Variants in NPHP1 observed in about 807,000 individuals in gnomAD.
NPHP1 encodes nephrocystin-1.
Under a neutral mutation model 90.4 loss-of-function variants are expected in NPHP1, and 70 were observed. The ratio of observed to expected loss-of-function variants is 0.77; its 90% CI spans 0.64 to 0.95. NPHP1 has a LOEUF of 0.95. NPHP1 is among the 40% of genes least tolerant of loss of function. The pLI is 0.00. For missense variants in NPHP1, 764 were observed against 795.9 expected (o/e 0.96, Z 0.48); for synonymous variants, 256 against 271.7 (o/e 0.94, Z 0.57).
At chr2:110,189,652 G>A (rs1001250104) in intron 2 of NPHP1, among the ~76,000 whole-genome samples, 6 of 152,026 alleles carry the variant, frequency 3.9e-5, no homozygotes, top group Admixed American at 3.9e-4. Flanking sequence ...CTTTTATCTG[G>A]CCCCACCTAC....
intron 4 of NPHP1, among the ~76,000 whole-genome samples, chr2:110,172,973 T>G (rs1192769426): frequency 6.6e-6 from 1 of 150,706 alleles, no homozygotes; most frequent in Non-Finnish European, 1.5e-5. Context: ...TTTTTTTTTT[T>G]TTTTGAGACG....
At chr2:110,195,508 T>C (rs1685101065) in intron 2 of NPHP1, among the ~76,000 whole-genome samples, 1 of 152,042 alleles carries the variant, frequency 6.6e-6, no homozygotes, top group African/African-American at 2.4e-5. Flanking sequence ...TAAAAGAGGA[T>C]ACAAACAAAT....
intron 2 of NPHP1, among the ~76,000 whole-genome samples, chr2:110,196,264 G>A (rs973528977): frequency 7.2e-5 from 11 of 151,986 alleles, no homozygotes; most frequent in Admixed American, 4.6e-4. Context: ...ATCTGACAAA[G>A]GGCTAATATA....
chr2:110,173,083 C>A (rs535022470), intron 4 of NPHP1, among the ~76,000 whole-genome samples: 2 of 151,518 alleles, frequency 1.3e-5, no homozygotes, highest in Non-Finnish European at 2.9e-5. Flanking sequence ...CTCCGACTCC[C>A]GAGTAGCTGG....
chr2:110,138,455 G>A (rs1680376023), intron 16 of NPHP1, among the ~76,000 whole-genome samples: 1 of 152,138 alleles, frequency 6.6e-6, no homozygotes, highest in Admixed American at 6.5e-5. Flanking sequence ...CATAAGGTCA[G>A]AAACTGTCTT....
intron 17 of NPHP1, among the ~76,000 whole-genome samples, chr2:110,129,960 TC>T (rs1398539956): frequency 6.6e-6 from 1 of 152,130 alleles, no homozygotes; most frequent in Non-Finnish European, 1.5e-5. Context: ...TTCTCCAAGT[TC>T]TGGAGGCTGG....
intron 11 of NPHP1, among the ~76,000 whole-genome samples, chr2:110,155,702 T>C (rs111744988): frequency 6.6e-6 from 1 of 152,192 alleles, no homozygotes; most frequent in African/African-American, 2.4e-5. Context: ...CTCTTTGTTT[T>C]GGCCAGTTTA....
chr2:110,189,125 G>T (rs1684499458), intron 2 of NPHP1, among the ~76,000 whole-genome samples: 1 of 152,092 alleles, frequency 6.6e-6, no homozygotes, highest in Non-Finnish European at 1.5e-5. Context: ...AAAAGCAATT[G>T]CAACAAAAGC....
chr2:110,147,626 C>A (rs1681157754), intron 13 of NPHP1, among the ~76,000 whole-genome samples: 1 of 152,128 alleles, frequency 6.6e-6, no homozygotes, highest in Non-Finnish European at 1.5e-5. Context: ...CGCTGGGATG[C>A]CAGTGAGCAT....
At chr2:110,169,627 C>G (rs1410605503) in intron 5 of NPHP1, among the ~76,000 whole-genome samples, 179 bp downstream of exon 5, 2 of 152,078 alleles carry the variant, frequency 1.3e-5, no homozygotes, top group Non-Finnish European at 2.9e-5. Context: ...GAAGAGGTAA[C>G]TTTAGTAACA....
At chr2:110,175,010 T>C (rs1683411009) in intron 4 of NPHP1, among the ~76,000 whole-genome samples, 1 of 152,070 alleles carries the variant, frequency 6.6e-6, no homozygotes, top group African/African-American at 2.4e-5. Context: ...CAATAAAATA[T>C]ATGAAATAAA....
At chr2:110,180,187 C>A (rs1244176208) in intron 2 of NPHP1, among the ~76,000 whole-genome samples, 1 of 152,066 alleles carries the variant, frequency 6.6e-6, no homozygotes, top group Non-Finnish European at 1.5e-5. Context: ...AATGGTACAG[C>A]AACAATATGA....
intron 4 of NPHP1, among the ~76,000 whole-genome samples, chr2:110,173,657 A>G (rs936445145): frequency 3.3e-5 from 5 of 152,224 alleles, no homozygotes; most frequent in African/African-American, 1.2e-4. Context: ...TAGGAGCAAC[A>G]TGCTATACTA....
At chr2:110,129,557 T>C (rs1026910414) in intron 17 of NPHP1, among the ~76,000 whole-genome samples, 3 of 152,322 alleles carry the variant, frequency 2.0e-5, no homozygotes, top group East Asian at 1.9e-4. Context: ...TCAACTTCTC[T>C]TTCTTCCTTA....
rs138732827 is a variant in NPHP1, at chr2:110,189,307, C to T, written c.144-9623G>A. Among the ~76,000 whole-genome samples the T allele has an allele frequency of 5.9e-3, 897 of 152,186 alleles. 14 individuals are homozygous for T. Among genetic ancestry groups the T allele is most frequent in the Non-Finnish European group, 5.8e-3 (397 of 67,996 alleles). ...GCGGCGTGTCCAGAGTTTGTTCCTT[C>T]TGACGTTCGGATGTGTTTGGAGTTT... is the stretch of plus-strand genomic sequence containing the variant. On this transcript the variant is annotated intron_variant, in intron 2 of 19. Transcript: ENST00000445609.
chr2:110,140,318 C>T (rs1680531231), intron 16 of NPHP1, among the ~76,000 whole-genome samples: 1 of 152,112 alleles, frequency 6.6e-6, no homozygotes, highest in Admixed American at 6.5e-5. Flanking sequence ...GCAGGGAGAG[C>T]TCTGCTTTGA....
At chr2:110,144,613 T>G in intron 14 of NPHP1, 44 bp from the exon 15 acceptor site, 2 of 1,167,748 alleles carry the variant, frequency 1.7e-6, no homozygotes, top group Non-Finnish European at 2.6e-6. Flanking sequence ...GCTGTGGGCA[T>G]GTAGAAAACA....
At chr2:110,164,130 A>T (rs1682542291) in intron 8 of NPHP1, 1 of 273,738 alleles carries the variant, frequency 3.7e-6, no homozygotes, top group Admixed American at 5.1e-5. Flanking sequence ...TTGACTTCCC[A>T]AACTCATGCA....
intron 2 of NPHP1, among the ~76,000 whole-genome samples, chr2:110,199,981 G>C (rs1012144794): frequency 9.8e-5 from 15 of 152,288 alleles, no homozygotes; most frequent in Admixed American, 6.5e-4. Context: ...TTAGGGGCCG[G>C]GCGCGGTGGC....
Sources: gnomAD v4.1 joint callset for allele counts (sites outside exome capture counted in the v4.1 genomes callset) on GRCh38, gnomAD v4.1.1 for gene constraint, MANE v1.5 for transcripts, NCBI Gene and HGNC (gene_info 2026-07-23, HGNC 2026-07-21) for gene names.